Variants in CROCC observed in about 807,000 individuals in gnomAD.
CROCC encodes the protein ciliary rootlet coiled-coil, rootletin, also known as rootletin.
A neutral mutation model predicts 245.2 loss-of-function variants in CROCC; 180 were observed. The ratio of observed to expected loss-of-function variants is 0.73; its 90% CI spans 0.65 to 0.83. The LOEUF (loss-of-function observed/expected upper bound fraction) is 0.83, where lower values mean the gene tolerates loss of function less well. Among genes scored for constraint, CROCC ranks in the 40% least tolerant of loss-of-function variants. The pLI is 0.00. For missense variants in CROCC, 2,688 were observed against 2,779.4 expected (o/e 0.97, Z 0.74); for synonymous variants, 1,205 against 1,241.6 (o/e 0.97, Z 0.62).
At chr1:16,918,017 C>A (rs1377961607), upstream of CROCC, among the ~76,000 whole-genome samples, 1 of 112,592 alleles carries the variant, frequency 8.9e-6, no homozygotes, top group African/African-American at 3.4e-5. Flanking sequence ...GGCTTTTAGC[C>A]ATATTCCTAA....
rs752709101 is a variant in CROCC at position 16,938,992 on chromosome 1, G to T, written c.1458G>T (p.Gly486=). The change falls in exon 12 of 37, where the codon GGG becomes GGT. Residue 486 remains glycine (G), a synonymous_variant. Coordinates refer to ENST00000375541, the MANE Select transcript of CROCC (RefSeq NM_014675.5). The part of the protein sequence containing the change: ...TADASNGSLR[G]LSGQRTPSPP... ...ATGCTTCCAACGGCAGCCTGCGGGGGCTCTCGGGCCAGCGGACCCCGTCCC... is the reference window on the plus strand; with the variant it reads ...ATGCTTCCAACGGCAGCCTGCGGGGTCTCTCGGGCCAGCGGACCCCGTCCC... 87 of 1,604,568 alleles carry T rather than the reference G, an allele frequency of 5.4e-5. No individual in the cohort carries two copies. The highest frequency in any genetic ancestry group is 6.9e-5 in the Non-Finnish European group (81 of 1,177,048).
chr1:16,966,612 G>C lies in CROCC; in HGVS notation c.4860+41G>C. 1.4e-6 allele frequency: 2 copies of C among 1,442,780 alleles called. No homozygotes were observed. The highest frequency in any genetic ancestry group is 1.4e-5 in the South Asian group (1 of 70,612). The allele number at this position is 1,442,780 out of a possible 1,614,324, so 89.4% of individuals were successfully genotyped here. A position where few individuals can be genotyped will look rare whatever the true frequency, so the allele number is the denominator to read the frequency against. The stretch of plus-strand genomic sequence containing the variant: ...GGGCCAGCGGGGCGACGGGGAATCT[G>C]TGTACCCGAGTGAGTGTCTAACTCT... On this transcript the variant is annotated intron_variant, in intron 30 of 36. Transcript: ENST00000375541. This position sits in a 1 kb window ranked among gnomAD's most constrained non-coding sequence, Gnocchi z 4.8.
At chr1:16,955,290 G>C in intron 23 of CROCC, 22 bp from the exon 24 acceptor site, 1 of 1,603,248 alleles carries the variant, frequency 6.2e-7, no homozygotes, top group Non-Finnish European at 8.5e-7. Flanking sequence ...CGCTGCCCTG[G>C]GGACACCTGC....
intron 35 of CROCC, 187 bp downstream of exon 35, chr1:16,970,954 A>C: frequency 1.7e-6 from 1 of 593,590 alleles, no homozygotes; most frequent in Non-Finnish European, 2.7e-6. Flanking sequence ...AAAGACACGA[A>C]AGGCCTGTTT....
chr1:16,951,444 C>G (rs544241174), intron 20 of CROCC: 5 of 185,004 alleles, frequency 2.7e-5, no homozygotes, highest in Non-Finnish European at 5.6e-5. Context: ...GCCACTCAGA[C>G]CTCAGCATAT....
Position 16,948,391 on chromosome 1 carries a change from C to T in CROCC, c.2575C>T (p.Arg859Trp), listed in dbSNP as rs765325865. 159 of 1,577,864 alleles carry T rather than the reference C, an allele frequency of 1.0e-4. No homozygotes were observed. The East Asian group carries it at 2.8e-3, about 28-fold the overall frequency. ...ELEQARREAQ[R>W]QVEALERAAR... ...GGAGCAGGCCCGGCGGGAGGCCCAG[C>T]GGCAAGTGGAGGCGCTGGAGCGAGC... The change falls in exon 18 of 37, where the codon CGG becomes TGG. Residue 859 changes from arginine (R) to tryptophan (W), a missense_variant. Around this residue, in one of 9 missense-constraint regions of CROCC, gnomAD observed 295 missense variants for 241.7 expected, o/e 1.22. Coordinates refer to ENST00000375541, the MANE Select transcript of CROCC (RefSeq NM_014675.5).
Position 16,955,428 on chromosome 1 carries a change from G to A in CROCC, c.3582G>A (p.Gln1194=). The change falls in exon 24 of 37, where the codon CAG becomes CAA. Residue 1194 remains glutamine (Q), a synonymous_variant. Transcript: ENST00000375541. The part of the protein sequence containing the change: ...LRESQEGREV[Q]RQEAGELRRS... The stretch of plus-strand genomic sequence containing the variant: ...AGAGCCAGGAGGGCCGGGAGGTGCA[G>A]CGCCAGGAGGCAGGCGAGCTGCGAC... 6.2e-7 allele frequency: 1 copy of A among 1,600,364 alleles called. No individual in the cohort carries two copies.
chr1:16,934,190 T>C (rs930472584), intron 8 of CROCC, among the ~76,000 whole-genome samples: 4 of 152,386 alleles, frequency 2.6e-5, no homozygotes, highest in African/African-American at 9.6e-5. Flanking sequence ...TAGTCACTCC[T>C]GTGTATATTA....
At chr1:16,924,922 C>G (rs1315364375) in intron 3 of CROCC, among the ~76,000 whole-genome samples, 1 of 152,278 alleles carries the variant, frequency 6.6e-6, no homozygotes, top group South Asian at 2.1e-4. Context: ...TGCAGCCCAT[C>G]TGGGGCAGCC....
rs556312053 is a variant in CROCC, at chr1:16,922,795, C to A, written c.193C>A (p.Pro65Thr). Residue 65 changes from proline to threonine, a missense_variant, in exon 2 of 37, where the codon CCA (proline) becomes ACA (threonine). This residue lies in a region of CROCC where 972 missense variants were observed against 895.3 expected (regional missense o/e 1.09). Coordinates refer to ENST00000375541, the MANE Select transcript of CROCC (RefSeq NM_014675.5). ...VTRNLSQPES[P>T]VLLPATEMAS... ...CCGCAACCTCTCCCAGCCTGAGAGC[C>A]CAGGTGCCACCCCCATCCGCTCCCC... is the stretch of plus-strand genomic sequence containing the variant. 1.4e-5 allele frequency: 22 copies of A among 1,611,880 alleles called. No homozygotes were observed. The South Asian group carries it at 1.8e-4, about 13-fold the overall frequency.
intron 13 of CROCC, among the ~76,000 whole-genome samples, chr1:16,941,740 A>T (rs540440619): frequency 6.6e-6 from 1 of 152,360 alleles, no homozygotes; most frequent in East Asian, 1.9e-4. Context: ...TCAAAAAAAA[A>T]AAAAAAAGAA....
chr1:16,960,444 A>T (rs1316487633), intron 26 of CROCC, among the ~76,000 whole-genome samples: 1 of 152,246 alleles, frequency 6.6e-6, no homozygotes, highest in Non-Finnish European at 1.5e-5. Flanking sequence ...AGTAGTAATT[A>T]GAGTTAATAT....
upstream of CROCC, among the ~76,000 whole-genome samples, chr1:16,920,426 C>G (rs560510993): frequency 1.3e-5 from 2 of 152,212 alleles, no homozygotes; most frequent in Non-Finnish European, 2.9e-5. Flanking sequence ...CTCCTGACCT[C>G]AAGTGATCTG....
At position 16,946,866 on chromosome 1, in the gene CROCC, C is replaced by T. The variant is rs1317401891; in HGVS notation, c.2389C>T (p.Gln797Ter). Residue 797 changes from glutamine to a stop codon, truncating the protein, a stop_gained, in exon 17 of 37, where the codon CAG becomes TAG. Transcript: ENST00000375541. LOFTEE classifies it high-confidence loss of function. ...ACGGCTAGAGGAGCTGCGGTTGGAG[C>T]AGGAGGTGGCGCGGCAGGGCCTGGA... ...QERLEELRLE[Q>*]EVARQGLEGS... 1 of 1,558,148 alleles carries T rather than the reference C, an allele frequency of 6.4e-7. No individual in the cohort carries two copies. The highest frequency in any genetic ancestry group is 1.4e-5 in the African/African-American group (1 of 73,702).
chr1:16,955,171 C>T, intron 23 of CROCC, 141 bp from the exon 24 acceptor site: 1 of 839,318 alleles, frequency 1.2e-6, no homozygotes, highest in South Asian at 1.6e-5. Context: ...ACGCCTTGCT[C>T]AAATGATAAC....
In CROCC at chr1:16,962,732, GTA is replaced by G. The variant is rs769421504; in HGVS notation, c.4405+1606_4405+1607del. Among the ~76,000 whole-genome samples, 674 of 148,326 alleles carry G rather than the reference GTA, an allele frequency of 4.5e-3. 5 individuals are homozygous for G. The highest frequency in any genetic ancestry group is 8.6e-3 in the Non-Finnish European group (581 of 67,374). On this transcript the variant is annotated intron_variant, in intron 27 of 36. Coordinates refer to ENST00000375541, the MANE Select transcript of CROCC (RefSeq NM_014675.5). ...TATATAAATATACATATATATATAT[GTA>G]TATTTTTTTTTTTTAGGAGAGATGG...
At chr1:16,927,217 A>C (rs2075554190) in intron 3 of CROCC, among the ~76,000 whole-genome samples, 1 of 152,266 alleles carries the variant, frequency 6.6e-6, no homozygotes, top group Non-Finnish European at 1.5e-5. Flanking sequence ...AGCCGCACAC[A>C]CAGCCAGATG....
In CROCC at chr1:16,931,395, G is replaced by A. The variant is rs764241151; in HGVS notation, c.954G>A (p.Glu318=). ...TCAGCGAGGTGAAGATGTTCACTGAGAGGTGAGGCCTGGCCGGGGACGGGG... is the reference window on the plus strand; with the variant it reads ...TCAGCGAGGTGAAGATGTTCACTGAAAGGTGAGGCCTGGCCGGGGACGGGG... ...RLVSEVKMFT[E]RDLLQLGGEL... The change falls in exon 8 of 37, where the codon GAG becomes GAA. Residue 318 remains glutamate, a splice_region_variant and synonymous_variant. Coordinates refer to ENST00000375541, the MANE Select transcript of CROCC (RefSeq NM_014675.5). 6.8e-6 allele frequency: 11 copies of A among 1,610,344 alleles called. No homozygotes were observed. The Admixed American group carries it at 1.3e-4, about 20-fold the overall frequency.
At chr1:16,949,767 G>T (rs1300886761) in intron 19 of CROCC, among the ~76,000 whole-genome samples, 2 of 152,224 alleles carry the variant, frequency 1.3e-5, no homozygotes, top group African/African-American at 4.8e-5. Flanking sequence ...GAATAGGGTT[G>T]TTTTTTGTTT....
Sources: gnomAD v4.1 joint callset for allele counts (sites outside exome capture counted in the v4.1 genomes callset) on GRCh38, gnomAD v4.1.1 for gene constraint, gnomAD v4.1.1 regional missense constraint, Gnocchi (gnomAD v3.1) non-coding constraint, MANE v1.5 for transcripts, NCBI Gene and HGNC (gene_info 2026-07-23, HGNC 2026-07-21) for gene names.